The following CDK8 variants were observed in gnomAD, a reference collection of about 807,000 sequenced individuals.
CDK8 encodes the protein cyclin-dependent kinase 8.
In CDK8, 29 loss-of-function variants were observed where a neutral mutation model predicts 71.5. The ratio of observed to expected loss-of-function variants is 0.41; its 90% CI spans 0.30 to 0.55. The LOEUF (loss-of-function observed/expected upper bound fraction) is 0.55. Among genes scored for constraint, CDK8 ranks in the 20% least tolerant of loss-of-function variants. The pLI, the probability that CDK8 is intolerant of heterozygous loss-of-function variation, is 0.37. For missense variants in CDK8, 288 were observed against 572.6 expected (o/e 0.50, Z 5.07); for synonymous variants, 161 against 192.1 (o/e 0.84, Z 1.34).
intron 3 of CDK8, among the ~76,000 whole-genome samples, chr13:26,351,775 C>A (rs1873688979): frequency 6.6e-6 from 1 of 152,110 alleles, no homozygotes; most frequent in African/African-American, 2.4e-5. Context: ...ATTTAGCCTA[C>A]TAAAACCCAC....
chr13:26,288,911 C>G (rs1402914006), intron 1 of CDK8, among the ~76,000 whole-genome samples: 2 of 151,876 alleles, frequency 1.3e-5, no homozygotes, highest in African/African-American at 4.8e-5. Context: ...GCCACTGCAC[C>G]TGGCTAATTT....
At chr13:26,349,644 A>G (rs891269406) in intron 3 of CDK8, among the ~76,000 whole-genome samples, 2 of 152,194 alleles carry the variant, frequency 1.3e-5, no homozygotes, top group Non-Finnish European at 2.9e-5. Context: ...GCATTAAGCA[A>G]GTCTTTTAAT....
chr13:26,255,443 A>G (rs1311118706), intron 1 of CDK8, among the ~76,000 whole-genome samples: 1 of 152,244 alleles, frequency 6.6e-6, no homozygotes, highest in Non-Finnish European at 1.5e-5. Context: ...GGTTTCCCCC[A>G]AATTTAGCGG....
At chr13:26,400,309 A>G (rs1251106424) in intron 9 of CDK8, 144 bp from the exon 10 acceptor site, 1 of 631,970 alleles carries the variant, frequency 1.6e-6, no homozygotes, top group Non-Finnish European at 2.8e-6. Context: ...TTTAACAACT[A>G]GGAGTTTTGT....
At chr13:26,332,708 C>T (rs1437582195) in intron 1 of CDK8, among the ~76,000 whole-genome samples, 1 of 152,032 alleles carries the variant, frequency 6.6e-6, no homozygotes, top group African/African-American at 2.4e-5. Context: ...TGTTAGCTGT[C>T]GGTTTGTTAT....
At chr13:26,349,262 A>G (rs1331415377) in intron 3 of CDK8, 80 bp downstream of exon 3, 1 of 771,448 alleles carries the variant, frequency 1.3e-6, no homozygotes, top group Non-Finnish European at 2.2e-6. Context: ...TGTTCTGCTT[A>G]TTATGAGACT....
At chr13:26,291,424 A>G (rs2137902112) in intron 1 of CDK8, among the ~76,000 whole-genome samples, 1 of 152,318 alleles carries the variant, frequency 6.6e-6, no homozygotes, top group East Asian at 1.9e-4. Flanking sequence ...CTTTTGGTAG[A>G]ATTCTGAAAT....
chr13:26,371,967 A>C (rs1302975361), intron 4 of CDK8, among the ~76,000 whole-genome samples: 1 of 152,166 alleles, frequency 6.6e-6, no homozygotes, highest in Non-Finnish European at 1.5e-5. Context: ...AAAATAAAGA[A>C]TGAGCAAAAA....
intron 1 of CDK8, among the ~76,000 whole-genome samples, chr13:26,270,605 T>C (rs563527452): frequency 2.6e-5 from 4 of 152,336 alleles, no homozygotes; most frequent in African/African-American, 9.6e-5. Flanking sequence ...TTGCCTGTTT[T>C]GGACATTTCA....
At chr13:26,272,904 A>C (rs2137873616) in intron 1 of CDK8, among the ~76,000 whole-genome samples, 1 of 152,288 alleles carries the variant, frequency 6.6e-6, no homozygotes, top group Non-Finnish European at 1.5e-5. Context: ...TACATGGTGC[A>C]TGACTGTATT....
intron 3 of CDK8, among the ~76,000 whole-genome samples, chr13:26,351,364 GGTTCTTCT>G (rs1873673481): frequency 6.6e-6 from 1 of 150,506 alleles, no homozygotes; most frequent in Non-Finnish European, 1.5e-5. Flanking sequence ...TTAAATCTTT[GGTTCTTCT>G]GTTCTTCTAT....
rs990399512 is a variant in CDK8, at chr13:26,254,391, G to C, written c.-251G>C. 3 of 357,178 alleles carry C rather than the reference G, an allele frequency of 8.4e-6. No individual in the cohort carries two copies. The highest frequency in any genetic ancestry group is 4.3e-5 in the African/African-American group (2 of 46,516). The allele number at this position is 357,178 out of a possible 1,614,324, so 22.1% of individuals were successfully genotyped here. On this transcript the variant is annotated 5_prime_UTR_variant, in exon 1 of 13. Coordinates refer to ENST00000381527, the MANE Select transcript of CDK8 (RefSeq NM_001260.3). The surrounding 1 kb of genome is among the most constrained non-coding windows in gnomAD (Gnocchi z 6.7). ...TCCCCACCCCCAGCCCTCGTCCCTC[G>C]GCTCTCCTTCGCCGGGGGATCCTCC...
chr13:26,256,406 TC>T (rs1350499512), intron 1 of CDK8, among the ~76,000 whole-genome samples: 1 of 152,186 alleles, frequency 6.6e-6, no homozygotes, highest in Non-Finnish European at 1.5e-5. Flanking sequence ...AAATCCCCAA[TC>T]CCATGAGATT....
At position 26,404,108 on chromosome 13, in the gene CDK8, T is replaced by G. The variant is rs751553407; in HGVS notation, c.*27T>G. ...CTGCATCGGAATCTTGTCCATGCAC[T>G]GTTGCGAATGCTGCAGGGCTGACTG... On this transcript the variant is annotated 3_prime_UTR_variant, in exon 13 of 13. Coordinates refer to ENST00000381527, the MANE Select transcript of CDK8 (RefSeq NM_001260.3). The G allele has an allele frequency of 6.2e-7, 1 of 1,612,394 alleles. No individual in the cohort carries two copies. The highest frequency in any genetic ancestry group is 1.3e-5 in the African/African-American group (1 of 74,922).
At chr13:26,265,381 T>G (rs1375163790) in intron 1 of CDK8, among the ~76,000 whole-genome samples, 1 of 152,136 alleles carries the variant, frequency 6.6e-6, no homozygotes, top group East Asian at 1.9e-4. Flanking sequence ...AATCTGCCCT[T>G]GGGGAGCTCA....
At chr13:26,310,515 T>C (rs183633983) in intron 1 of CDK8, among the ~76,000 whole-genome samples, 1 of 152,226 alleles carries the variant, frequency 6.6e-6, no homozygotes, top group Admixed American at 6.5e-5. Context: ...TGACAGATCA[T>C]TAGGCATTAG....
chr13:26,355,688 C>G (rs1306701738), intron 4 of CDK8, among the ~76,000 whole-genome samples: 1 of 152,082 alleles, frequency 6.6e-6, no homozygotes, highest in Non-Finnish European at 1.5e-5. Flanking sequence ...TTGTGAAGCT[C>G]AAAATAAATT....
intron 9 of CDK8, among the ~76,000 whole-genome samples, chr13:26,398,822 A>G (rs111249786): frequency 0.078 from 11,756 of 151,664 alleles, 1,484 homozygotes; most frequent in African/African-American, 0.27. Flanking sequence ...AAAGTAGCTG[A>G]GTGTGGTGGT....
intron 4 of CDK8, among the ~76,000 whole-genome samples, chr13:26,363,277 G>A (rs1262871707): frequency 1.2e-4 from 14 of 118,022 alleles, no homozygotes; most frequent in Non-Finnish European, 1.6e-4. Context: ...GCAGTGAGCC[G>A]AGATCGCACC....
Sources: gnomAD v4.1 joint callset for allele counts (sites outside exome capture counted in the v4.1 genomes callset) on GRCh38, gnomAD v4.1.1 for gene constraint, Gnocchi (gnomAD v3.1) non-coding constraint, MANE v1.5 for transcripts, NCBI Gene and HGNC (gene_info 2026-07-23, HGNC 2026-07-21) for gene names.